SCRN2: variants seen among roughly 807,000 people sequenced by gnomAD.
SCRN2 encodes secernin-2.
Under a neutral mutation model 40.1 loss-of-function variants are expected in SCRN2, and 30 were observed. The ratio of observed to expected loss-of-function variants is 0.75; its 90% CI spans 0.56 to 1.01. The LOEUF (loss-of-function observed/expected upper bound fraction) is 1.01. SCRN2 is among the 50% of genes least tolerant of loss of function. The pLI, the probability that SCRN2 is intolerant of heterozygous loss-of-function variation, is 0.00. For missense variants in SCRN2, 526 were observed against 564.9 expected (o/e 0.93, Z 0.70); for synonymous variants, 240 against 233.5 (o/e 1.03, Z -0.25).
In SCRN2 at chr17:47,838,576, G is replaced by T. The variant is rs7350956; in HGVS notation, c.893C>A (p.Thr298Lys). The change falls in exon 6 of 8, where the codon ACG (threonine) becomes AAG (lysine). Residue 298 changes from threonine (T) to lysine (K), a missense_variant. Physicochemically the swap from Thr to Lys is moderately conservative, Grantham distance 78 (BLOSUM62 -1). Transcript: ENST00000290216. ...SMVSVLPQDPTQPCVHFLTAT... is the reference protein window; with the variant it reads ...SMVSVLPQDPKQPCVHFLTAT... Reference sequence around the variant, plus strand: ...GGTAAGAAAGTGCACGCAGGGCTGCGTGGGATCCTGGGGCAGGACAGACAC... The same window carrying T: ...GGTAAGAAAGTGCACGCAGGGCTGCTTGGGATCCTGGGGCAGGACAGACAC... The T allele has an allele frequency of 2.0e-5, 33 of 1,614,104 alleles. No homozygotes were observed. Among genetic ancestry groups the T allele is most frequent in the Non-Finnish European group, 2.5e-5 (30 of 1,180,018 alleles).
At position 47,837,968 on chromosome 17, in the gene SCRN2, T is replaced by G; in HGVS notation, c.1154A>C (p.Asp385Ala). The part of the protein sequence containing the change: ...RGQQLQQKQQ[D>A]LEQEGLEATQ... ...GGCCTCGAGGCCTTCCTGCTCCAGA[T>G]CCTGCTGTTTCTGCTGGAGCTGCTG... The change falls in exon 8 of 8, where the codon GAT (aspartate) becomes GCT (alanine). Residue 385 changes from aspartate (D) to alanine (A), a missense_variant. Coordinates refer to ENST00000290216, the MANE Select transcript of SCRN2 (RefSeq NM_138355.4). 1 of 1,607,894 alleles carries G rather than the reference T, an allele frequency of 6.2e-7. No individual in the cohort carries two copies. Among genetic ancestry groups the G allele is most frequent in the Admixed American group, 1.7e-5 (1 of 59,756 alleles).
At chr17:47,839,071 C>T (rs754493439) in intron 4 of SCRN2, 65 bp from the exon 5 acceptor site, 16 of 1,550,172 alleles carry the variant, frequency 1.0e-5, no homozygotes, top group African/African-American at 8.1e-5. Flanking sequence ...AGGCACTGGG[C>T]GAGGTGCTGA....
chr17:47,838,054 G>T, intron 7 of SCRN2, 52 bp from the exon 8 acceptor site: 1 of 1,582,986 alleles, frequency 6.3e-7, no homozygotes. Context: ...CTTCCCGCCA[G>T]GTGAAGGGGG....
Position 47,840,247 on chromosome 17 carries a change from C to T in SCRN2, c.300G>A (p.Val100=), listed in dbSNP as rs1198910734. The T allele has an allele frequency of 1.2e-6, 2 of 1,614,052 alleles. No individual in the cohort carries two copies. The highest frequency in any genetic ancestry group is 1.7e-6 in the Non-Finnish European group (2 of 1,180,054). Reference sequence around the variant, plus strand: ...CCTCCCCAACTGGCTCCTTCGTCCACACAGCCTCGTTGCCAATGCAGACAC... The same window carrying T: ...CCTCCCCAACTGGCTCCTTCGTCCATACAGCCTCGTTGCCAATGCAGACAC... ...EHGVCIGNEA[V]WTKEPVGEGE... Residue 100 remains valine (V), a synonymous_variant, in exon 3 of 8, where the codon GTG becomes GTA. Coordinates refer to ENST00000290216, the MANE Select transcript of SCRN2 (RefSeq NM_138355.4).
chr17:47,841,052 G>T, intron 1 of SCRN2, 156 bp downstream of exon 1: 1 of 427,288 alleles, frequency 2.3e-6, no homozygotes, highest in Non-Finnish European at 4.1e-6. Flanking sequence ...GCACTCCGGG[G>T]GTCCCGCCCC....
At chr17:47,838,128 TTGCTGGC>T in intron 7 of SCRN2, 126 bp from the exon 8 acceptor site, 1 of 1,522,596 alleles carries the variant, frequency 6.6e-7, no homozygotes, top group African/African-American at 1.4e-5. Flanking sequence ...CCAAAGGCAG[TTGCTGGC>T]TTTGAAGGGA....
At chr17:47,838,232 T>C in intron 7 of SCRN2, 38 bp downstream of exon 7, 1 of 1,573,954 alleles carries the variant, frequency 6.4e-7, no homozygotes, top group Non-Finnish European at 8.6e-7. Context: ...GGGAGGTCTA[T>C]CATCCCCTCA....
Position 47,840,682 on chromosome 17 carries a change from C to T in SCRN2, c.162G>A (p.Gly54=). ...VFVPAGTHTP[G]SRLQCTYIEV... ...AAGTCTAACCCACCTGGAGCCGGCT[C>T]CCAGGAGTGTGAGTGCCTGCGGGGA... Residue 54 remains glycine, a synonymous_variant, in exon 2 of 8, where the codon GGG becomes GGA. Transcript: ENST00000290216. 1 of 1,604,012 alleles carries T rather than the reference C, an allele frequency of 6.2e-7. No homozygotes were observed. Among genetic ancestry groups the T allele is most frequent in the Non-Finnish European group, 8.5e-7 (1 of 1,175,160 alleles).
At position 47,840,686 on chromosome 17, in the gene SCRN2, G is replaced by A. The variant is rs746822156; in HGVS notation, c.158C>T (p.Pro53Leu). 1.9e-6 allele frequency: 3 copies of A among 1,604,342 alleles called. No homozygotes were observed. The highest frequency in any genetic ancestry group is 2.6e-6 in the Non-Finnish European group (3 of 1,175,356). The change falls in exon 2 of 8, where the codon CCT (proline) becomes CTT (leucine). Residue 53 changes from proline (P) to leucine (L), a missense_variant. Transcript: ENST00000290216. The part of the protein sequence containing the change: ...VVFVPAGTHT[P>L]GSRLQCTYIE... ...CTAACCCACCTGGAGCCGGCTCCCA[G>A]GAGTGTGAGTGCCTGCGGGGACAAA... is the stretch of plus-strand genomic sequence containing the variant.
In SCRN2 at chr17:47,839,007, C is replaced by T. The variant is rs1229126465; in HGVS notation, c.557-1G>A. The T allele has an allele frequency of 1.2e-6, 2 of 1,613,526 alleles. No individual in the cohort carries two copies. The highest frequency in any genetic ancestry group is 2.7e-5 in the African/African-American group (2 of 74,944). On this transcript the variant is annotated splice_acceptor_variant, in intron 4 of 7. Transcript: ENST00000290216. LOFTEE classifies it high-confidence loss of function. ...TGGTTGGAGATGTTGCGGGCCCCCTCTGTGGAGGAGATCGGGGAGTGGTTC... is the reference window on the plus strand; with the variant it reads ...TGGTTGGAGATGTTGCGGGCCCCCTTTGTGGAGGAGATCGGGGAGTGGTTC...
rs368823871 is a variant in SCRN2, at chr17:47,839,524, C to A, written c.476G>T (p.Ser159Ile). Residue 159 changes from serine to isoleucine, a missense_variant, in exon 4 of 8, where the codon AGC becomes ATC. By Grantham distance (142) the Ser-to-Ile change is moderately radical. Transcript: ENST00000290216. ...AGTGCGGTCAGCCAGCAGGAAGGTGCTATGGTAGGAGAATGGCGCAGCATC... is the reference window on the plus strand; with the variant it reads ...AGTGCGGTCAGCCAGCAGGAAGGTGATATGGTAGGAGAATGGCGCAGCATC... ...LEDAAPFSYH[S>I]TFLLADRTEA... 3.7e-6 allele frequency: 6 copies of A among 1,613,900 alleles called. No individual in the cohort carries two copies. The African/African-American group carries it at 8.0e-5, about 22-fold the overall frequency.
At position 47,840,819 on chromosome 17, in the gene SCRN2, G is replaced by C. The variant is rs745534015; in HGVS notation, c.25C>G (p.Pro9Ala). 7 of 1,549,564 alleles carry C rather than the reference G, an allele frequency of 4.5e-6. No individual in the cohort carries two copies. In the African/African-American group the frequency reaches 8.2e-5, roughly 18 times the overall value. MASSSPDS[P>A]CSCDCFVSVP... Reference sequence around the variant, plus strand: ...GAGACAAAGCAGTCGCAGGAACATGGGGAGTCAGGGCTCGACGACGCCATC... The same window carrying C: ...GAGACAAAGCAGTCGCAGGAACATGCGGAGTCAGGGCTCGACGACGCCATC... The change falls in exon 2 of 8, where the codon CCA becomes GCA. Residue 9 changes from proline (P) to alanine (A), a missense_variant. Coordinates refer to ENST00000290216, the MANE Select transcript of SCRN2 (RefSeq NM_138355.4).
chr17:47,840,927 C>G, intron 1 of SCRN2, 84 bp from the exon 2 acceptor site: 1 of 1,279,832 alleles, frequency 7.8e-7, no homozygotes, highest in Non-Finnish European at 1.0e-6. Context: ...AAAAGACGCG[C>G]AAGGAAGACA....
intron 1 of SCRN2, 117 bp from the exon 2 acceptor site, chr17:47,840,960 G>A (rs2033812331): frequency 1.0e-6 from 1 of 992,228 alleles, no homozygotes; most frequent in Non-Finnish European, 1.4e-6. Context: ...CTGGACGCTC[G>A]GCGCACACAC....
In SCRN2 at chr17:47,839,569, T is replaced by C. The variant is rs938811075; in HGVS notation, c.431A>G (p.Gln144Arg). 4 of 1,613,958 alleles carry C rather than the reference T, an allele frequency of 2.5e-6. No homozygotes were observed. In the African/African-American group the frequency reaches 5.3e-5, roughly 22 times the overall value. The change falls in exon 4 of 8, where the codon CAG becomes CGG. Residue 144 changes from glutamine (Q) to arginine (R), a missense_variant. Gln to Arg is a conservative substitution (Grantham distance 43, BLOSUM62 1). Transcript: ENST00000290216. ...AGCATCCTCCAGGCAGTTGCCCCCC[T>C]GCCCATAGTGCTCCAGTAACCCTGT... ...VITGLLEHYGQGGNCLEDAAP... is the reference protein window; with the variant it reads ...VITGLLEHYGRGGNCLEDAAP...
chr17:47,839,391 T>C (rs1598051061), intron 4 of SCRN2, 53 bp downstream of exon 4: 1 of 1,587,824 alleles, frequency 6.3e-7, no homozygotes, highest in South Asian at 1.1e-5. Flanking sequence ...GGCCCCTCCC[T>C]GCCCCTACCA....
intron 7 of SCRN2, 105 bp from the exon 8 acceptor site, chr17:47,838,107 C>T: frequency 1.3e-6 from 2 of 1,532,838 alleles, no homozygotes; most frequent in East Asian, 4.6e-5. Context: ...GGAGATACCC[C>T]CCGACATTCC....
rs141077668 is a variant in SCRN2 at position 47,840,684 on chromosome 17, C to G, written c.160G>C (p.Gly54Arg). ...VFVPAGTHTP[G>R]SRLQCTYIEV... ...GTCTAACCCACCTGGAGCCGGCTCCCAGGAGTGTGAGTGCCTGCGGGGACA... is the reference window on the plus strand; with the variant it reads ...GTCTAACCCACCTGGAGCCGGCTCCGAGGAGTGTGAGTGCCTGCGGGGACA... Residue 54 changes from glycine (G) to arginine (R), a missense_variant, in exon 2 of 8, where the codon GGG becomes CGG. Physicochemically the swap from Gly to Arg is moderately radical, Grantham distance 125 (BLOSUM62 -2). Coordinates refer to ENST00000290216, the MANE Select transcript of SCRN2 (RefSeq NM_138355.4). The G allele has an allele frequency of 6.7e-5, 108 of 1,604,218 alleles. No individual in the cohort carries two copies. In the African/African-American group the frequency reaches 1.3e-3, roughly 20 times the overall value.
chr17:47,838,026 G>A, intron 7 of SCRN2, 24 bp from the exon 8 acceptor site: 1 of 1,601,772 alleles, frequency 6.2e-7, no homozygotes, highest in Non-Finnish European at 8.5e-7. Context: ...AAGCTGAGAT[G>A]AGTCTGTCCG....
Sources: allele counts gnomAD v4.1 joint callset, GRCh38; gene constraint gnomAD v4.1.1; transcripts MANE v1.5; gene names NCBI Gene and HGNC (gene_info 2026-07-23, HGNC 2026-07-21).